SYCP2: variants seen among roughly 807,000 people sequenced by gnomAD.
The protein encoded by SYCP2 is synaptonemal complex protein 2, also known as synaptonemal complex lateral element protein.
SYCP2 carries 55 observed loss-of-function variants against 211.3 expected under a neutral mutation model. The observed-to-expected ratio is 0.26, with a 90% CI of 0.21 to 0.33. The LOEUF (loss-of-function observed/expected upper bound fraction) is 0.33. SYCP2 is among the 10% of genes least tolerant of loss of function. The pLI is 1.00. For missense variants in SYCP2, 1,731 were observed against 1,752.0 expected (o/e 0.99, Z 0.21); for synonymous variants, 570 against 555.2 (o/e 1.03, Z -0.37).
rs1217224488 is a variant in SYCP2 at position 59,892,142 on chromosome 20, T to C, written c.2212A>G (p.Ile738Val). Residue 738 changes from isoleucine to valine, a missense_variant, in exon 24 of 45, where the codon ATA becomes GTA. Physicochemically the swap from Ile to Val is conservative, Grantham distance 29 (BLOSUM62 3). This residue lies in a region of SYCP2 where 1,387 missense variants were observed against 1,351.3 expected (regional missense o/e 1.03). Transcript: ENST00000357552. ...GACAATATGTATTTCTTCCTATATA[T>C]CAGCGATTCTTCAATTGTCTTATTT... ...LLNKTIEESL[I>V]YRKKYILSKD... 2 of 1,612,208 alleles carry C rather than the reference T, an allele frequency of 1.2e-6. No homozygotes were observed. Among genetic ancestry groups the C allele is most frequent in the African/African-American group, 1.3e-5 (1 of 74,916 alleles).
intron 14 of SYCP2, among the ~76,000 whole-genome samples, chr20:59,908,115 G>A (rs1219991290): frequency 6.6e-6 from 1 of 152,008 alleles, no homozygotes; most frequent in Non-Finnish European, 1.5e-5. Context: ...CGGGCGTGGT[G>A]GTGGGCGCCT....
intron 24 of SYCP2, among the ~76,000 whole-genome samples, chr20:59,890,563 T>C (rs6071004): frequency 0.02 from 2,943 of 150,680 alleles, 42 homozygotes; most frequent in Middle Eastern, 0.041. Flanking sequence ...AATAAATAGG[T>C]AGATAGGTAG....
intron 13 of SYCP2, chr20:59,912,104 A>G (rs766767726): frequency 2.0e-5 from 8 of 407,712 alleles, no homozygotes; most frequent in Non-Finnish European, 3.5e-5. Context: ...TAGTTTGAAT[A>G]GATTCATACA....
At position 59,864,265 on chromosome 20, in the gene SYCP2, T is replaced by C. The variant is rs760356656; in HGVS notation, c.*46A>G. The C allele has an allele frequency of 1.5e-5, 20 of 1,311,930 alleles. No homozygotes were observed. In the African/African-American group the frequency reaches 2.4e-4, roughly 16 times the overall value. 81.3% of individuals were successfully genotyped at this position (1,311,930 alleles called of 1,614,324 possible). A position where few individuals can be genotyped will look rare whatever the true frequency, so the allele number is the denominator to read the frequency against. ...GACTATTCTTATTTCCTCAGTTATA[T>C]ACAGAGAATAATAATTAGATAAAGT... On this transcript the variant is annotated 3_prime_UTR_variant, in exon 45 of 45. Coordinates refer to ENST00000357552, the MANE Select transcript of SYCP2 (RefSeq NM_014258.4).
At chr20:59,893,042 T>A in intron 22 of SYCP2, 100 bp downstream of exon 22, 1 of 831,362 alleles carries the variant, frequency 1.2e-6, no homozygotes, top group Non-Finnish European at 1.9e-6. Flanking sequence ...TGATTAATAC[T>A]AATTCTAATC....
chr20:59,868,897 T>C lies in SYCP2; in HGVS notation c.3770A>G (p.Lys1257Arg), dbSNP rs765344488. 3 of 1,609,096 alleles carry C rather than the reference T, an allele frequency of 1.9e-6. No homozygotes were observed. Among genetic ancestry groups the C allele is most frequent in the East Asian group, 2.2e-5 (1 of 44,696 alleles). The change falls in exon 37 of 45, where the codon AAG (lysine) becomes AGG (arginine). Residue 1257 changes from lysine (K) to arginine (R), a missense_variant. Coordinates refer to ENST00000357552, the MANE Select transcript of SYCP2 (RefSeq NM_014258.4). ...EESHLASSLS[K>R]SSEGREKTWF... ...CGTTTTCTCTCTTCCTTCACTAGAC[T>C]TGGATAATGAAGATGCTAAATGACT...
At chr20:59,867,583 T>C in intron 39 of SYCP2, 128 bp downstream of exon 39, 1 of 681,818 alleles carries the variant, frequency 1.5e-6, no homozygotes, top group Non-Finnish European at 2.4e-6. Context: ...ATTATTCACA[T>C]ATAAGGAAAG....
Position 59,892,389 on chromosome 20 carries a change from T to G in SYCP2, c.1965A>C (p.Ser655=), listed in dbSNP as rs745483351. The G allele has an allele frequency of 1.9e-6, 3 of 1,561,864 alleles. No homozygotes were observed. The highest frequency in any genetic ancestry group is 4.5e-5 in the East Asian group (2 of 44,456). The change falls in exon 24 of 45, where the codon TCA becomes TCC. Residue 655 remains serine (S), a synonymous_variant. Coordinates refer to ENST00000357552, the MANE Select transcript of SYCP2 (RefSeq NM_014258.4). The part of the protein sequence containing the change: ...VINKKLTKQK[S]SSSISDHNSE... ...AATTATGATCAGATATTGAAGAGGA[T>G]GATTTTTGTTTAGTAAGTTTTTTAT...
intron 14 of SYCP2, among the ~76,000 whole-genome samples, chr20:59,909,148 T>C (rs1480213192): frequency 6.6e-6 from 1 of 152,222 alleles, no homozygotes; most frequent in East Asian, 1.9e-4. Context: ...AGTATCCTTC[T>C]GGCTAAAATC....
In SYCP2 at chr20:59,900,237, A is replaced by G. The variant is rs368540643; in HGVS notation, c.1305T>C (p.Val435=). Residue 435 remains valine, a synonymous_variant, in exon 18 of 45, where the codon GTT becomes GTC. Transcript: ENST00000357552. ...GGGACTTTGATTTTTCCTTTAAACT[A>G]ACGAGCTCTTCTCCGACTGGTGAGA... ...SQISPVGEEL[V]SLKEKSKSPK... 5 of 1,612,614 alleles carry G rather than the reference A, an allele frequency of 3.1e-6. No homozygotes were observed. Among genetic ancestry groups the G allele is most frequent in the Non-Finnish European group, 4.2e-6 (5 of 1,179,596 alleles).
chr20:59,917,512 G>T lies in SYCP2; in HGVS notation c.428-941C>A, dbSNP rs548137488. Among the ~76,000 whole-genome samples, 268 of 152,236 alleles carry T rather than the reference G, an allele frequency of 1.8e-3. 4 individuals are homozygous for T. Among genetic ancestry groups the T allele is most frequent in the Middle Eastern group, 3.4e-3 (1 of 294 alleles). Reference sequence around the variant, plus strand: ...AATTATTTACTTTAAAAATCAGGTGGATCACTTTACAATTGCTGGTGCTTT... The same window carrying T: ...AATTATTTACTTTAAAAATCAGGTGTATCACTTTACAATTGCTGGTGCTTT... On this transcript the variant is annotated intron_variant, in intron 7 of 44. Coordinates refer to ENST00000357552, the MANE Select transcript of SYCP2 (RefSeq NM_014258.4).
chr20:59,919,049 C>A, intron 7 of SYCP2, 109 bp downstream of exon 7: 1 of 543,564 alleles, frequency 1.8e-6, no homozygotes, highest in South Asian at 2.3e-5. Flanking sequence ...ATCCTTGAAT[C>A]AGATAATGAG....
At chr20:59,909,729 A>G (rs1390535247) in intron 14 of SYCP2, among the ~76,000 whole-genome samples, 1 of 152,228 alleles carries the variant, frequency 6.6e-6, no homozygotes, top group East Asian at 1.9e-4. Context: ...CATTCTTCCA[A>G]CAAACATGAG....
intron 37 of SYCP2, 92 bp from the exon 38 acceptor site, chr20:59,868,660 C>A: frequency 7.2e-7 from 1 of 1,387,344 alleles, no homozygotes; most frequent in African/African-American, 1.5e-5. Context: ...GGCTTTGTTT[C>A]CACTAAGTAT....
At chr20:59,933,033 G>GCA (rs2060797665) in intron 1 of SYCP2, among the ~76,000 whole-genome samples, 1 of 151,928 alleles carries the variant, frequency 6.6e-6, no homozygotes, top group South Asian at 2.1e-4. Context: ...AACCAACAAA[G>GCA]CACACACACA....
intron 15 of SYCP2, among the ~76,000 whole-genome samples, chr20:59,902,754 A>T (rs1309150636): frequency 6.6e-6 from 1 of 152,128 alleles, no homozygotes; most frequent in Non-Finnish European, 1.5e-5. Flanking sequence ...ATGACCTTTG[A>T]AGGTACTAAG....
intron 2 of SYCP2, among the ~76,000 whole-genome samples, chr20:59,928,794 TA>T (rs1294167486): frequency 6.6e-6 from 1 of 151,914 alleles, no homozygotes; most frequent in African/African-American, 2.4e-5. Context: ...TATTTTGCCA[TA>T]AAAAAATAAG....
chr20:59,900,663 CCAA>C (rs886874570), intron 17 of SYCP2, 78 bp downstream of exon 17: 10 of 1,079,528 alleles, frequency 9.3e-6, no homozygotes, highest in African/African-American at 4.8e-5. Context: ...TATTCACCCT[CCAA>C]CAACACCTTT....
chr20:59,882,345 G>A (rs1392342114), intron 26 of SYCP2, among the ~76,000 whole-genome samples, 180 bp from the exon 27 acceptor site: 1 of 152,128 alleles, frequency 6.6e-6, no homozygotes, highest in Non-Finnish European at 1.5e-5. Context: ...CTCATACACT[G>A]TTGGTGGAAC....
Sources: allele counts gnomAD v4.1 joint callset (sites outside exome capture counted in the v4.1 genomes callset), GRCh38; gene constraint gnomAD v4.1.1; regional missense constraint gnomAD v4.1.1; transcripts MANE v1.5; gene names NCBI Gene and HGNC (gene_info 2026-07-23, HGNC 2026-07-21).